Variants in GRPEL2 observed in about 807,000 individuals in gnomAD.
GRPEL2 encodes the protein grpE protein homolog 2, mitochondrial.
In GRPEL2, 18 loss-of-function variants were observed where a neutral mutation model predicts 25.9. The observed-to-expected ratio is 0.70, with a 90% confidence interval of 0.48 to 1.03. GRPEL2 has a LOEUF of 1.03. Among genes scored for constraint, GRPEL2 ranks in the 50% least tolerant of loss-of-function variants. GRPEL2 has a pLI of 0.00. For missense variants in GRPEL2, 247 were observed against 276.2 expected (o/e 0.89, Z 0.75); for synonymous variants, 106 against 107.9 (o/e 0.98, Z 0.11).
chr5:149,349,305 T>C (rs1330504382), intron 2 of GRPEL2, among the ~76,000 whole-genome samples: 1 of 152,218 alleles, frequency 6.6e-6, no homozygotes, highest in Non-Finnish European at 1.5e-5. Flanking sequence ...CTAGATGACA[T>C]ACTTTTAAAA....
rs1024254123 is a variant in GRPEL2 at position 149,354,230 on chromosome 5, C to T, written c.*2948C>T. The stretch of plus-strand genomic sequence containing the variant: ...AGAGCAAGAAAATTGTGTCAGTGCT[C>T]TTAGTTATTTTCATCTTAATGGTAT... On this transcript the variant is annotated 3_prime_UTR_variant, in exon 4 of 4. Transcript: ENST00000329271. The T allele has an allele frequency of 6.6e-6, 1 of 152,122 alleles. No homozygotes were observed. Among genetic ancestry groups the T allele is most frequent in the Non-Finnish European group, 1.5e-5 (1 of 68,040 alleles). The allele number at this position is 152,122 out of a possible 1,614,324, so 9.4% of individuals were successfully genotyped here. A position where few individuals can be genotyped will look rare whatever the true frequency, so the allele number is the denominator to read the frequency against.
rs1324056057 is a variant in GRPEL2, at chr5:149,351,649, A to G, written c.*367A>G. The G allele has an allele frequency of 6.1e-6, 1 of 164,338 alleles. No individual in the cohort carries two copies. Among genetic ancestry groups the G allele is most frequent in the Non-Finnish European group, 1.3e-5 (1 of 74,930 alleles). 10.2% of individuals were successfully genotyped at this position (164,338 alleles called of 1,614,324 possible). ...GTGTAGTATCTTGTATTTTGTGGAA[A>G]AAGGAGATGGTAGGGATTGGTTCAA... On this transcript the variant is annotated 3_prime_UTR_variant, in exon 4 of 4. Coordinates refer to ENST00000329271, the MANE Select transcript of GRPEL2 (RefSeq NM_152407.4).
At chr5:149,346,953 C>G (rs934031482) in intron 1 of GRPEL2, among the ~76,000 whole-genome samples, 2 of 151,914 alleles carry the variant, frequency 1.3e-5, no homozygotes, top group Non-Finnish European at 2.9e-5. Flanking sequence ...TCTCGATCTC[C>G]TGACCTCGTG....
In GRPEL2 at chr5:149,353,309, CTG is replaced by C. The variant is rs1392523087; in HGVS notation, c.*2030_*2031del. 1 of 152,476 alleles carries C rather than the reference CTG, an allele frequency of 6.6e-6. No individual in the cohort carries two copies. The highest frequency in any genetic ancestry group is 1.5e-5 in the Non-Finnish European group (1 of 68,032). 9.4% of individuals were successfully genotyped at this position (152,476 alleles called of 1,614,324 possible). On this transcript the variant is annotated 3_prime_UTR_variant, in exon 4 of 4. Transcript: ENST00000329271. ...AAGTTGTCTTTTTTTGCCTTCCATT[CTG>C]TGAGATTTGACAGATGGTGACAATA... is the stretch of plus-strand genomic sequence containing the variant.
intron 3 of GRPEL2, 91 bp downstream of exon 3, chr5:149,349,826 G>T: frequency 1.2e-6 from 1 of 860,314 alleles, no homozygotes; most frequent in Non-Finnish European, 1.9e-6. Flanking sequence ...AAGGCTGTCA[G>T]ATCACATGAG....
chr5:149,347,387 G>T (rs1161085048), intron 1 of GRPEL2, among the ~76,000 whole-genome samples: 4 of 152,184 alleles, frequency 2.6e-5, no homozygotes, highest in Admixed American at 6.5e-5. Context: ...AAGAACTCAT[G>T]TACTCACAGA....
At chr5:149,345,736 C>A (rs1405885941) in intron 1 of GRPEL2, 120 bp downstream of exon 1, 2 of 800,416 alleles carry the variant, frequency 2.5e-6, no homozygotes, top group Non-Finnish European at 4.1e-6. Flanking sequence ...GACCAAGCTT[C>A]TCGGCCTCTA....
At chr5:149,349,786 A>G (rs751617949) in intron 3 of GRPEL2, 51 bp downstream of exon 3, 1 of 1,312,906 alleles carries the variant, frequency 7.6e-7, no homozygotes, top group Admixed American at 1.7e-5. Flanking sequence ...ACAGTGGCTT[A>G]TGCCTGTAAT....
intron 1 of GRPEL2, 29 bp downstream of exon 1, chr5:149,345,645 C>G: frequency 1.3e-6 from 2 of 1,566,158 alleles, no homozygotes; most frequent in South Asian, 2.3e-5. Flanking sequence ...GAGTCGGGAG[C>G]GTGAGGACTC....
chr5:149,347,753 G>A (rs1757711049), intron 1 of GRPEL2, among the ~76,000 whole-genome samples: 2 of 152,028 alleles, frequency 1.3e-5, no homozygotes, highest in South Asian at 2.1e-4. Flanking sequence ...GGTGAGGAAG[G>A]CTTAGAATTC....
At chr5:149,350,828 C>T in intron 3 of GRPEL2, 90 bp from the exon 4 acceptor site, 3 of 1,355,920 alleles carry the variant, frequency 2.2e-6, no homozygotes, top group Non-Finnish European at 3.1e-6. Flanking sequence ...ACTCAGCATA[C>T]TAGCCGTCTA....
chr5:149,350,986 T>A lies in GRPEL2; in HGVS notation c.382T>A (p.Ser128Thr). The change falls in exon 4 of 4, where the codon TCT becomes ACT. Residue 128 changes from serine to threonine, a missense_variant. Ser to Thr is a moderately conservative substitution (Grantham distance 58). Coordinates refer to ENST00000329271, the MANE Select transcript of GRPEL2 (RefSeq NM_152407.4). Reference protein sequence around the residue: ...DILEKTTECISEESEPEDQKL... With the variant: ...DILEKTTECITEESEPEDQKL... ...TTTGGAGAAGACTACAGAGTGCATT[T>A]CTGAAGAATCGGAGCCTGAGGACCA... The A allele has an allele frequency of 6.2e-7, 1 of 1,614,222 alleles. No individual in the cohort carries two copies. Among genetic ancestry groups the A allele is most frequent in the Non-Finnish European group, 8.5e-7 (1 of 1,180,028 alleles).
chr5:149,347,609 A>G lies in GRPEL2; in HGVS notation c.78-663A>G, dbSNP rs768960840. Among the ~76,000 whole-genome samples the G allele has an allele frequency of 3.3e-4, 50 of 152,234 alleles. 2 individuals are homozygous for G. The highest frequency in any genetic ancestry group is 1.2e-4 in the Non-Finnish European group (8 of 68,038). ...CTAGATTACATAACTAGTTGAATGCAAAGATCTATTTTCACCTGTGTCTAT... is the reference window on the plus strand; with the variant it reads ...CTAGATTACATAACTAGTTGAATGCGAAGATCTATTTTCACCTGTGTCTAT... On this transcript the variant is annotated intron_variant, in intron 1 of 3. Transcript: ENST00000329271.
intron 3 of GRPEL2, among the ~76,000 whole-genome samples, chr5:149,350,095 T>G (rs1299035719): frequency 6.6e-6 from 1 of 152,132 alleles, no homozygotes; most frequent in Admixed American, 6.5e-5. Flanking sequence ...ACCTAGCCTG[T>G]TTTGACACAA....
chr5:149,348,166 T>C, intron 1 of GRPEL2, 106 bp from the exon 2 acceptor site: 1 of 1,034,456 alleles, frequency 9.7e-7, no homozygotes, highest in Non-Finnish European at 1.4e-6. Flanking sequence ...CTGAAAACAC[T>C]TTCTCCAGAG....
In GRPEL2 at chr5:149,354,564, C is replaced by T. The variant is rs986563939; in HGVS notation, c.*3282C>T. 6.6e-6 allele frequency: 1 copy of T among 152,124 alleles called. No homozygotes were observed. Among genetic ancestry groups the T allele is most frequent in the Admixed American group, 6.5e-5 (1 of 15,284 alleles). 9.4% of individuals were successfully genotyped at this position (152,124 alleles called of 1,614,324 possible). A position where few individuals can be genotyped will look rare whatever the true frequency, so the allele number is the denominator to read the frequency against. ...ATATTCAGAAACAACTTTAATAAAA[C>T]CTGAATTGAAATAACTGCAGCTCTG... is the stretch of plus-strand genomic sequence containing the variant. On this transcript the variant is annotated 3_prime_UTR_variant, in exon 4 of 4. Coordinates refer to ENST00000329271, the MANE Select transcript of GRPEL2 (RefSeq NM_152407.4).
chr5:149,347,068 T>A (rs546028160), intron 1 of GRPEL2, among the ~76,000 whole-genome samples: 237 of 149,606 alleles, frequency 1.6e-3, no homozygotes, highest in Non-Finnish European at 2.6e-3. Flanking sequence ...ATAAATGTGG[T>A]TTTTTTAGGG....
At chr5:149,347,588 A>G (rs1238265307) in intron 1 of GRPEL2, among the ~76,000 whole-genome samples, 1 of 152,214 alleles carries the variant, frequency 6.6e-6, no homozygotes, top group Non-Finnish European at 1.5e-5. Context: ...AAAATTCTAG[A>G]TTACATAACT....
intron 1 of GRPEL2, among the ~76,000 whole-genome samples, chr5:149,346,421 T>C (rs1299946102): frequency 6.6e-6 from 1 of 152,204 alleles, no homozygotes; most frequent in Non-Finnish European, 1.5e-5. Flanking sequence ...GTAAATGTGC[T>C]TAACTACATA....
Sources: gnomAD v4.1 joint callset for allele counts (sites outside exome capture counted in the v4.1 genomes callset) on GRCh38, gnomAD v4.1.1 for gene constraint, MANE v1.5 for transcripts, NCBI Gene and HGNC (gene_info 2026-07-23, HGNC 2026-07-21) for gene names.